Variants in SEPTIN11 observed in about 807,000 individuals in gnomAD.
SEPTIN11 encodes septin-11.
A neutral mutation model predicts 51.4 loss-of-function variants in SEPTIN11; 25 were observed. The ratio of observed to expected loss-of-function variants is 0.49; its 90% CI spans 0.35 to 0.68. SEPTIN11 has a LOEUF of 0.68. Ranked by LOEUF, SEPTIN11 falls within the 30% of genes least tolerant of loss-of-function variation. The probability of loss-of-function intolerance (pLI) is 0.00; values close to 1 mark genes in which losing one functional copy is unlikely to be tolerated. For missense variants in SEPTIN11, 381 were observed against 520.8 expected (o/e 0.73, Z 2.61); for synonymous variants, 174 against 184.1 (o/e 0.95, Z 0.44).
rs553999659 is a variant in SEPTIN11, at chr4:77,023,400, T to TAC, written c.953+2738_953+2739dup. 1.2e-3 allele frequency among the ~76,000 whole-genome samples: 183 copies of TAC among 148,368 alleles called. 1 individual carries two copies. The highest frequency in any genetic ancestry group is 4.3e-3 in the African/African-American group (174 of 40,786). Reference sequence around the variant, plus strand: ...ATAATATATACACATATAATATATATACACACACATATATATTACCAAGGC... The same window carrying TAC: ...ATAATATATACACATATAATATATATACACACACACATATATATTACCAAGGC... On this transcript the variant is annotated intron_variant, in intron 7 of 9. Coordinates refer to ENST00000264893, the MANE Select transcript of SEPTIN11 (RefSeq NM_018243.4).
At chr4:76,978,660 T>C (rs182472493) in intron 1 of SEPTIN11, among the ~76,000 whole-genome samples, 5 of 152,262 alleles carry the variant, frequency 3.3e-5, no homozygotes, top group Admixed American at 6.5e-5. Flanking sequence ...TCAGAGGCGA[T>C]TGTGAGAAGT....
At chr4:76,990,456 C>T (rs886574301) in intron 1 of SEPTIN11, among the ~76,000 whole-genome samples, 2 of 152,152 alleles carry the variant, frequency 1.3e-5, no homozygotes, top group Admixed American at 6.5e-5. Context: ...GAGACCAGTC[C>T]GTGGCCTGTC....
At chr4:77,005,197 CAG>C (rs1442379653) in intron 2 of SEPTIN11, among the ~76,000 whole-genome samples, 2 of 152,110 alleles carry the variant, frequency 1.3e-5, no homozygotes, top group Non-Finnish European at 2.9e-5. Context: ...TTTCAAGTAA[CAG>C]AAATTCAACA....
intron 1 of SEPTIN11, among the ~76,000 whole-genome samples, chr4:76,969,003 G>T (rs1397123419): frequency 6.6e-6 from 1 of 152,158 alleles, no homozygotes; most frequent in Non-Finnish European, 1.5e-5. Context: ...GGAAGTTAAA[G>T]GTTCCATGTG....
downstream of SEPTIN11, chr4:77,039,664 T>C (rs1285629107): frequency 5.1e-6 from 5 of 982,478 alleles, no homozygotes; most frequent in Non-Finnish European, 6.0e-6. Flanking sequence ...AAAAAAATCA[T>C]TTGATATTGC....
chr4:76,978,278 C>T (rs764391516), intron 1 of SEPTIN11, among the ~76,000 whole-genome samples: 3 of 152,156 alleles, frequency 2.0e-5, no homozygotes, highest in Non-Finnish European at 4.4e-5. Context: ...TCCCACTTCC[C>T]GTAGCTCCCA....
chr4:76,963,011 T>C (rs1721887015), intron 1 of SEPTIN11, among the ~76,000 whole-genome samples: 1 of 152,230 alleles, frequency 6.6e-6, no homozygotes, highest in South Asian at 2.1e-4. Context: ...ATTCCAGCTA[T>C]CCTTTGCTAC....
chr4:77,009,026 C>A (rs1724681816), intron 3 of SEPTIN11, among the ~76,000 whole-genome samples: 1 of 152,190 alleles, frequency 6.6e-6, no homozygotes. Context: ...AACCACTTGG[C>A]TGGCTTGAGT....
Position 76,949,938 on chromosome 4 carries a change from C to G in SEPTIN11, c.27+8C>G. 6.7e-7 allele frequency: 1 copy of G among 1,500,396 alleles called. No individual in the cohort carries two copies. The highest frequency in any genetic ancestry group is 8.8e-7 in the Non-Finnish European group (1 of 1,131,512). 92.9% of individuals were successfully genotyped at this position (1,500,396 alleles called of 1,614,324 possible). ...GCCGTGGGGAGACCGTCTGTGAGTG[C>G]TGGGGCCTCGCCTGCTGCTCCTCGG... On this transcript the variant is annotated splice_region_variant and intron_variant, in intron 1 of 9. Coordinates refer to ENST00000264893, the MANE Select transcript of SEPTIN11 (RefSeq NM_018243.4).
At position 77,011,933 on chromosome 4, in the gene SEPTIN11, C is replaced by G; in HGVS notation, c.525+12C>G. The G allele has an allele frequency of 1.9e-6, 3 of 1,610,508 alleles. No homozygotes were observed. Among genetic ancestry groups the G allele is most frequent in the Non-Finnish European group, 2.5e-6 (3 of 1,177,090 alleles). On this transcript the variant is annotated intron_variant, in intron 4 of 9. Coordinates refer to ENST00000264893, the MANE Select transcript of SEPTIN11 (RefSeq NM_018243.4). ...AGCTGGACAGTAAGGTACTTGCTGC[C>G]ATTCTGATTATCATCCACTCTCCTT...
At chr4:76,970,080 A>G (rs1206957864) in intron 1 of SEPTIN11, among the ~76,000 whole-genome samples, 4 of 152,024 alleles carry the variant, frequency 2.6e-5, no homozygotes, top group East Asian at 1.9e-4. Flanking sequence ...TCTTCCTACA[A>G]TCTCCATTAG....
Position 77,036,208 on chromosome 4 carries a change from C to G in SEPTIN11, c.*1696C>G, listed in dbSNP as rs1727013473. On this transcript the variant is annotated 3_prime_UTR_variant, in exon 10 of 10. Coordinates refer to ENST00000264893, the MANE Select transcript of SEPTIN11 (RefSeq NM_018243.4). ...ACAAAGCTGGAATAGAAACTACACA[C>G]TAGACACAGCAGTAGTCATAGTCTT... The G allele has an allele frequency of 1.0e-6, 1 of 991,732 alleles. No homozygotes were observed. Among genetic ancestry groups the G allele is most frequent in the Non-Finnish European group, 1.2e-6 (1 of 833,940 alleles). The allele number at this position is 991,732 out of a possible 1,614,324, so 61.4% of individuals were successfully genotyped here.
intron 8 of SEPTIN11, 106 bp downstream of exon 8, chr4:77,028,867 A>AT: frequency 8.0e-7 from 1 of 1,256,836 alleles, no homozygotes. Flanking sequence ...TTCTACATGC[A>AT]TTTTGTCACG....
Position 77,036,515 on chromosome 4 carries a change from A to G in SEPTIN11, c.*2003A>G, listed in dbSNP as rs189511129. 1 of 1,363,276 alleles carries G rather than the reference A, an allele frequency of 7.3e-7. No individual in the cohort carries two copies. Among genetic ancestry groups the G allele is most frequent in the Admixed American group, 3.3e-5 (1 of 30,056 alleles). The allele number at this position is 1,363,276 out of a possible 1,614,324, so 84.4% of individuals were successfully genotyped here. A position where few individuals can be genotyped will look rare whatever the true frequency, so the allele number is the denominator to read the frequency against. ...CTAAAATTTTTTTAAAATGAGCATAACAACGAAAGGCATCCAGCTGACTTT... is the reference window on the plus strand; with the variant it reads ...CTAAAATTTTTTTAAAATGAGCATAGCAACGAAAGGCATCCAGCTGACTTT... On this transcript the variant is annotated 3_prime_UTR_variant, in exon 10 of 10. Transcript: ENST00000264893.
intron 1 of SEPTIN11, among the ~76,000 whole-genome samples, chr4:76,985,615 T>G (rs1722986633): frequency 1.3e-5 from 2 of 152,174 alleles, no homozygotes; most frequent in Admixed American, 1.3e-4. Flanking sequence ...GCATGGTATT[T>G]CCAGGCCTTT....
At chr4:77,011,656 G>A in intron 3 of SEPTIN11, 79 bp from the exon 4 acceptor site, 1 of 1,358,544 alleles carries the variant, frequency 7.4e-7, no homozygotes, top group South Asian at 1.3e-5. Flanking sequence ...TAGGAGAGAA[G>A]AAGCCATTGT....
At chr4:76,979,161 C>G (rs1722638329) in intron 1 of SEPTIN11, among the ~76,000 whole-genome samples, 1 of 152,200 alleles carries the variant, frequency 6.6e-6, no homozygotes, top group Admixed American at 6.5e-5. Flanking sequence ...GACAGGGTTC[C>G]TGTCCTCAAA....
Position 77,034,700 on chromosome 4 carries a change from T to C in SEPTIN11, c.*188T>C, listed in dbSNP as rs1726911382. 7.6e-7 allele frequency: 1 copy of C among 1,314,284 alleles called. No individual in the cohort carries two copies. Among genetic ancestry groups the C allele is most frequent in the Admixed American group, 4.1e-5 (1 of 24,574 alleles). The allele number at this position is 1,314,284 out of a possible 1,614,324, so 81.4% of individuals were successfully genotyped here. Reference sequence around the variant, plus strand: ...GGTAGAAAATGATAGAACAAGGGAATAACCGCGAATGCTCTGTGCAGCTGG... The same window carrying C: ...GGTAGAAAATGATAGAACAAGGGAACAACCGCGAATGCTCTGTGCAGCTGG... On this transcript the variant is annotated 3_prime_UTR_variant, in exon 10 of 10. Transcript: ENST00000264893.
chr4:76,950,649 C>T (rs899578097), intron 1 of SEPTIN11, among the ~76,000 whole-genome samples: 3 of 152,030 alleles, frequency 2.0e-5, no homozygotes, highest in Non-Finnish European at 4.4e-5. Flanking sequence ...GAGTGCCCCA[C>T]GGCGGGAGGG....
Sources: gnomAD v4.1 joint callset for allele counts (sites outside exome capture counted in the v4.1 genomes callset) on GRCh38, gnomAD v4.1.1 for gene constraint, MANE v1.5 for transcripts, NCBI Gene and HGNC (gene_info 2026-07-23, HGNC 2026-07-21) for gene names.